Variants in ERBB4 observed in about 807,000 individuals in gnomAD.
The protein encoded by ERBB4 is erb-b2 receptor tyrosine kinase 4.
In ERBB4, 42 loss-of-function variants were observed where a neutral mutation model predicts 158.0. The observed-to-expected ratio is 0.27, with a 90% confidence interval of 0.21 to 0.34. The LOEUF is 0.34. ERBB4 is among the 10% of genes least tolerant of loss of function. The pLI is 1.00. For synonymous variants in ERBB4, 583 were observed against 558.7 expected, an observed-to-expected ratio of 1.04 and a Z score of -0.61; for missense variants, 1,333 against 1,624.1, an observed-to-expected ratio of 0.82 and a Z score of 3.08.
chr2:211,444,543 A>G (rs1176272686), intron 20 of ERBB4, among the ~76,000 whole-genome samples: 1 of 152,078 alleles, frequency 6.6e-6, no homozygotes, highest in East Asian at 1.9e-4. Context: ...CTTGTGTCCT[A>G]TATTTGTGTA....
chr2:211,501,161 G>T (rs1003480099), intron 20 of ERBB4, among the ~76,000 whole-genome samples: 4 of 151,702 alleles, frequency 2.6e-5, no homozygotes, highest in African/African-American at 4.8e-5. Context: ...ATTTAAAAAG[G>T]AGTTTATTAA....
At chr2:212,281,178 T>G (rs1264285981) in intron 1 of ERBB4, among the ~76,000 whole-genome samples, 1 of 151,762 alleles carries the variant, frequency 6.6e-6, no homozygotes, top group East Asian at 1.9e-4. Context: ...TGCTCTTCTA[T>G]TATCATTAGT....
intron 3 of ERBB4, among the ~76,000 whole-genome samples, chr2:211,943,125 T>C (rs898542796): frequency 2.6e-5 from 4 of 152,062 alleles, no homozygotes; most frequent in African/African-American, 7.2e-5. Context: ...CAATATAATA[T>C]ATAGATTAAA....
chr2:212,063,394 G>A (rs936748271), intron 2 of ERBB4, among the ~76,000 whole-genome samples: 2 of 151,990 alleles, frequency 1.3e-5, no homozygotes, highest in Non-Finnish European at 2.9e-5. Context: ...ATAGTTTGAA[G>A]GACATACAGA....
chr2:212,323,833 T>C (rs1253737482), intron 1 of ERBB4, among the ~76,000 whole-genome samples: 4 of 150,662 alleles, frequency 2.7e-5, no homozygotes, highest in Admixed American at 1.3e-4. Context: ...ATTGAAAACA[T>C]TAATAAAATC....
At chr2:211,499,543 GCAAACAAA>G (rs1010785761) in intron 20 of ERBB4, among the ~76,000 whole-genome samples, 1 of 151,690 alleles carries the variant, frequency 6.6e-6, no homozygotes, top group African/African-American at 2.4e-5. Context: ...ACAAAACAAA[GCAAACAAA>G]CAAACAAAAA....
At chr2:211,762,529 G>A (rs1056092681) in intron 4 of ERBB4, among the ~76,000 whole-genome samples, 14 of 152,174 alleles carry the variant, frequency 9.2e-5, no homozygotes, top group Admixed American at 7.9e-4. Context: ...GAAACCCATG[G>A]ATGGAGCAAT....
At chr2:212,450,447 A>G (rs2092428720) in intron 1 of ERBB4, among the ~76,000 whole-genome samples, 1 of 152,174 alleles carries the variant, frequency 6.6e-6, no homozygotes, top group Non-Finnish European at 1.5e-5. Flanking sequence ...TGAGGACAGA[A>G]GCATACTGGA....
intron 1 of ERBB4, among the ~76,000 whole-genome samples, chr2:212,267,583 C>T (rs997278574): frequency 1.1e-5 from 1 of 94,472 alleles, no homozygotes; most frequent in Non-Finnish European, 2.2e-5. Flanking sequence ...CCCTAAAAAT[C>T]ATAGTTCTCA....
chr2:212,277,063 C>T (rs1006453247), intron 1 of ERBB4, among the ~76,000 whole-genome samples: 7 of 151,604 alleles, frequency 4.6e-5, no homozygotes, highest in Admixed American at 1.3e-4. Context: ...GTAAAAAGGG[C>T]CTTTCCAACT....
intron 20 of ERBB4, among the ~76,000 whole-genome samples, chr2:211,463,710 C>G (rs1233819919): frequency 1.0e-5 from 1 of 100,022 alleles, no homozygotes; most frequent in Non-Finnish European, 2.6e-5. Flanking sequence ...ATCCTCCTCC[C>G]CTCCTACAGC....
chr2:212,211,629 A>AAC (rs148929858), intron 1 of ERBB4, among the ~76,000 whole-genome samples: 1 of 148,494 alleles, frequency 6.7e-6, no homozygotes, highest in African/African-American at 2.5e-5. Context: ...AAAAAAAAAA[A>AAC]TGGATACATG....
intron 1 of ERBB4, among the ~76,000 whole-genome samples, chr2:212,293,558 T>C (rs1051128046): frequency 2.0e-5 from 3 of 152,040 alleles, no homozygotes; most frequent in African/African-American, 7.2e-5. Flanking sequence ...GTGAAAGTCA[T>C]ACATATTGGC....
intron 1 of ERBB4, among the ~76,000 whole-genome samples, chr2:212,502,407 G>C (rs554297370): frequency 6.6e-6 from 1 of 152,216 alleles, no homozygotes; most frequent in African/African-American, 2.4e-5. Context: ...ACTCCTGTGA[G>C]GTAGGTATTA....
At chr2:212,191,794 A>G (rs1440961499) in intron 1 of ERBB4, among the ~76,000 whole-genome samples, 1 of 144,048 alleles carries the variant, frequency 6.9e-6, no homozygotes, top group Non-Finnish European at 1.5e-5. Context: ...TATATGTTCT[A>G]TATGTTATAT....
chr2:211,977,387 C>T lies in ERBB4; in HGVS notation c.235-29771G>A, dbSNP rs1559231204. Among the ~76,000 whole-genome samples the T allele has an allele frequency of 2.0e-5, 3 of 152,084 alleles. No individual in the cohort carries two copies. The East Asian group carries it at 5.8e-4, about 29-fold the overall frequency. ...ATATATTAGGTTTGTAACTTTTAGC[C>T]AAGTCCTTTGCTAAAACAAATCTAT... On this transcript the variant is annotated intron_variant, in intron 2 of 27. Coordinates refer to ENST00000342788, the MANE Select transcript of ERBB4 (RefSeq NM_005235.3).
At chr2:211,495,677 C>T (rs567300154) in intron 20 of ERBB4, among the ~76,000 whole-genome samples, 37 of 152,116 alleles carry the variant, frequency 2.4e-4, no homozygotes, top group Admixed American at 2.2e-3. Flanking sequence ...CAGAAGACAA[C>T]GCAAATAAAG....
intron 20 of ERBB4, among the ~76,000 whole-genome samples, chr2:211,501,831 T>A (rs1377518091): frequency 6.6e-6 from 1 of 152,170 alleles, no homozygotes; most frequent in Non-Finnish European, 1.5e-5. Flanking sequence ...GGGTCACTTT[T>A]ATGAACATCA....
chr2:212,285,756 G>A (rs746033164), intron 1 of ERBB4, among the ~76,000 whole-genome samples: 18 of 152,146 alleles, frequency 1.2e-4, no homozygotes, highest in Non-Finnish European at 1.8e-4. Flanking sequence ...TATAAAGTAA[G>A]AATTTGCATC....
Sources: allele counts gnomAD v4.1 joint callset (sites outside exome capture counted in the v4.1 genomes callset), GRCh38; gene constraint gnomAD v4.1.1; transcripts MANE v1.5; gene names NCBI Gene and HGNC (gene_info 2026-07-23, HGNC 2026-07-21).